The following NTRK3 variants were observed in gnomAD, a reference collection of about 807,000 sequenced individuals.
NTRK3 encodes neurotrophic receptor tyrosine kinase 3.
A neutral mutation model predicts 91.7 loss-of-function variants in NTRK3; 24 were observed. That is an observed-to-expected ratio of 0.26 (90% CI 0.19 to 0.37). The LOEUF (loss-of-function observed/expected upper bound fraction) is 0.37, where lower values mean the gene tolerates loss of function less well. Ranked by LOEUF, NTRK3 falls within the 10% of genes least tolerant of loss-of-function variation. NTRK3 has a pLI of 1.00. For missense variants in NTRK3, 880 were observed against 1,068.9 expected (o/e 0.82, Z 2.46); for synonymous variants, 483 against 404.0 (o/e 1.20, Z -2.34).
At chr15:88,082,192 G>C (rs1193101755) in intron 13 of NTRK3, among the ~76,000 whole-genome samples, 1 of 151,830 alleles carries the variant, frequency 6.6e-6, no homozygotes, top group Non-Finnish European at 1.5e-5. Context: ...GCAGGAGAAT[G>C]GAGTGAACCC....
At chr15:88,201,695 C>T (rs1471926746) in intron 3 of NTRK3, among the ~76,000 whole-genome samples, 2 of 152,122 alleles carry the variant, frequency 1.3e-5, no homozygotes, top group African/African-American at 2.4e-5. Flanking sequence ...GTACTTAAAA[C>T]TGTGAGGTGC....
At chr15:88,153,849 A>C (rs2043630029) in intron 5 of NTRK3, among the ~76,000 whole-genome samples, 1 of 149,660 alleles carries the variant, frequency 6.7e-6, no homozygotes, top group South Asian at 2.2e-4. Flanking sequence ...TGATCTAATC[A>C]CCTCCCAAAG....
chr15:87,982,746 T>C (rs573767500), intron 14 of NTRK3, among the ~76,000 whole-genome samples: 2 of 152,332 alleles, frequency 1.3e-5, no homozygotes, highest in Admixed American at 1.3e-4. Context: ...GTCCTTTATA[T>C]TGACTGCAGC....
intron 14 of NTRK3, among the ~76,000 whole-genome samples, chr15:88,015,800 C>A (rs1385869548): frequency 6.6e-6 from 1 of 152,082 alleles, no homozygotes; most frequent in Non-Finnish European, 1.5e-5. Flanking sequence ...AGTTTTTCTC[C>A]TGCACTATGT....
intron 13 of NTRK3, among the ~76,000 whole-genome samples, chr15:88,079,985 T>A (rs2150629881): frequency 6.6e-6 from 1 of 152,368 alleles, no homozygotes; most frequent in African/African-American, 2.4e-5. Context: ...TCTGACTTTT[T>A]CTATGTAACA....
At chr15:88,135,948 T>C (rs749859217) in exon 9 of NTRK3, 9 of 1,614,114 alleles carry the variant, frequency 5.6e-6, no homozygotes, top group African/African-American at 1.3e-5. Context: ...CCACGTTCTC[T>C]GCAATGCACG....
intron 3 of NTRK3, among the ~76,000 whole-genome samples, chr15:88,226,663 G>A (rs2050704957): frequency 6.6e-6 from 1 of 152,236 alleles, no homozygotes; most frequent in Non-Finnish European, 1.5e-5. Context: ...CGGCCCCTAT[G>A]GCTGATGCAA....
intron 13 of NTRK3, among the ~76,000 whole-genome samples, chr15:88,121,280 G>A (rs912529966): frequency 2.0e-5 from 3 of 152,148 alleles, no homozygotes; most frequent in African/African-American, 4.8e-5. Flanking sequence ...TAATGACGAC[G>A]TGAAATGATG....
intron 6 of NTRK3, among the ~76,000 whole-genome samples, chr15:88,138,970 A>G (rs1167426437): frequency 6.6e-6 from 1 of 152,162 alleles, no homozygotes; most frequent in Non-Finnish European, 1.5e-5. Flanking sequence ...GTGGTTATCT[A>G]TTTCCAAGAT....
intron 17 of NTRK3, among the ~76,000 whole-genome samples, chr15:87,922,845 C>A (rs1475196044): frequency 3.9e-5 from 6 of 152,144 alleles, no homozygotes; most frequent in Admixed American, 3.9e-4. Context: ...AACTTACATT[C>A]CCTTTGATTT....
At chr15:87,864,072 A>G (rs573727791) in exon 19 of NTRK3, 12 of 232,500 alleles carry the variant, frequency 5.2e-5, no homozygotes, top group African/African-American at 2.2e-4. Flanking sequence ...TCTTCCCCCA[A>G]CAGTACACAA....
chr15:88,000,636 T>C (rs1057293481), intron 14 of NTRK3, among the ~76,000 whole-genome samples: 4 of 152,250 alleles, frequency 2.6e-5, no homozygotes, highest in Non-Finnish European at 5.9e-5. Flanking sequence ...ATCTAGCTTC[T>C]TTCACTTGAC....
intron 3 of NTRK3, among the ~76,000 whole-genome samples, chr15:88,189,238 C>A (rs574473998): frequency 2.0e-4 from 31 of 152,222 alleles, no homozygotes; most frequent in Non-Finnish European, 3.4e-4. Context: ...AAAAATCAGT[C>A]TGAAACATAC....
rs571364795 is a variant in NTRK3, at chr15:88,135,858, C to T, written c.907+41G>A. 6 of 1,611,378 alleles carry T rather than the reference C, an allele frequency of 3.7e-6. No individual in the cohort carries two copies. The Admixed American group carries it at 1.0e-4, about 27-fold the overall frequency. On this transcript the variant is annotated intron_variant, in intron 9 of 18. Coordinates refer to ENST00000394480, the Ensembl canonical transcript of NTRK3. ...CCTCTCCAGCCTCCTATGCCAGTTG[C>T]CCCTCACACACAGCCATCCCCCACA...
At chr15:88,199,285 G>T (rs1035359436) in intron 3 of NTRK3, among the ~76,000 whole-genome samples, 2 of 152,024 alleles carry the variant, frequency 1.3e-5, no homozygotes, top group Non-Finnish European at 2.9e-5. Context: ...TCCAAACAGA[G>T]CCTGCACCTC....
At chr15:88,047,736 C>A (rs2080365881) in intron 13 of NTRK3, among the ~76,000 whole-genome samples, 1 of 152,204 alleles carries the variant, frequency 6.6e-6, no homozygotes, top group African/African-American at 2.4e-5. Context: ...GGCGACCACA[C>A]ATCCTGATCT....
intron 17 of NTRK3, among the ~76,000 whole-genome samples, chr15:87,901,443 C>T (rs1845643174): frequency 1.3e-5 from 2 of 152,214 alleles, no homozygotes; most frequent in South Asian, 2.1e-4. Context: ...AAGGTCAAGC[C>T]AGGCTGAGTG....
chr15:88,068,556 T>C (rs1276633926), intron 13 of NTRK3, among the ~76,000 whole-genome samples: 1 of 152,142 alleles, frequency 6.6e-6, no homozygotes, highest in Non-Finnish European at 1.5e-5. Context: ...AACTGAGACT[T>C]TAAAAGCCAA....
intron 14 of NTRK3, among the ~76,000 whole-genome samples, chr15:87,966,702 G>A (rs901097753): frequency 3.3e-5 from 5 of 152,190 alleles, no homozygotes; most frequent in African/African-American, 1.2e-4. Flanking sequence ...GAGCTGTTTG[G>A]GTAAGGAATT....
Sources: allele counts gnomAD v4.1 joint callset (sites outside exome capture counted in the v4.1 genomes callset), GRCh38; gene constraint gnomAD v4.1.1; transcripts MANE v1.5; gene names NCBI Gene and HGNC (gene_info 2026-07-23, HGNC 2026-07-21).